Variants in MUC4 observed in about 807,000 individuals in gnomAD.
MUC4 encodes the protein mucin 4, cell surface associated, also known as mucin-4.
In MUC4, 202 loss-of-function variants were observed where a neutral mutation model predicts 257.9. The ratio of observed to expected loss-of-function variants is 0.78; its 90% CI spans 0.70 to 0.88. The LOEUF is 0.88. MUC4 is among the 40% of genes least tolerant of loss of function. MUC4 has a pLI of 0.00. For missense variants in MUC4, 5,976 were observed against 6,513.7 expected (o/e 0.92, Z 2.84); for synonymous variants, 2,351 against 2,757.1 (o/e 0.85, Z 4.62).
chr3:195,793,632 T>A, intron 1 of MUC4, among the ~76,000 whole-genome samples: 1 of 152,212 alleles, frequency 6.6e-6, no homozygotes, highest in Middle Eastern at 3.4e-3. Flanking sequence ...ATATAGCCAA[T>A]GGTCTTCTCC....
intron 2 of MUC4, among the ~76,000 whole-genome samples, 156 bp downstream of exon 2, chr3:195,778,634 G>A (rs1402250809): frequency 6.6e-6 from 1 of 152,186 alleles, no homozygotes; most frequent in East Asian, 1.9e-4. Context: ...AGGAGGGTGA[G>A]CCTGTCACCC....
chr3:195,751,032 G>A lies in MUC4; in HGVS notation c.15728C>T (p.Pro5243Leu), dbSNP rs750455032. Residue 5243 changes from proline (P) to leucine (L), a missense_variant, in exon 23 of 25, where the codon CCG becomes CTG. Coordinates refer to ENST00000463781, the MANE Select transcript of MUC4 (RefSeq NM_018406.7). ...ISEFQYRPRG[P>L]VIDFLNNQLL... ...CTGGTTGTTCAGGAAGTCAATGACCGGGCCCCGAGGGCGGTACTGGAACTC... is the reference window on the plus strand; with the variant it reads ...CTGGTTGTTCAGGAAGTCAATGACCAGGCCCCGAGGGCGGTACTGGAACTC... The A allele has an allele frequency of 2.6e-5, 42 of 1,613,764 alleles. 1 individual carries two copies. The highest frequency in any genetic ancestry group is 1.1e-4 in the African/African-American group (8 of 74,826).
rs1483938194 is a variant in MUC4, at chr3:195,783,904, G to C, written c.7676C>G (p.Thr2559Ser). The change falls in exon 2 of 25, where the codon ACC becomes AGC. Residue 2559 changes from threonine to serine, a missense_variant. By Grantham distance (58) the Thr-to-Ser change is moderately conservative. This residue lies in a region of MUC4 where 135 missense variants were observed against 114.7 expected (regional missense o/e 1.18). Coordinates refer to ENST00000463781, the MANE Select transcript of MUC4 (RefSeq NM_018406.7). Reference protein sequence around the residue: ...SPSSASTGHATSLPVTDTSAA... With the variant: ...SPSSASTGHASSLPVTDTSAA... ...GGAAGTGTCGGTGACAGGAAGAGAGGTGGCGTGACCTGTGGATGCTGAGGA... is the reference window on the plus strand; with the variant it reads ...GGAAGTGTCGGTGACAGGAAGAGAGCTGGCGTGACCTGTGGATGCTGAGGA... The C allele has an allele frequency of 6.6e-6, 10 of 1,513,922 alleles. No individual in the cohort carries two copies. Among genetic ancestry groups the C allele is most frequent in the Non-Finnish European group, 8.9e-6 (10 of 1,126,398 alleles). The allele number at this position is 1,513,922 out of a possible 1,614,324, so 93.8% of individuals were successfully genotyped here.
At chr3:195,797,266 TTAAATAAATAAA>T (rs58592665) in intron 1 of MUC4, among the ~76,000 whole-genome samples, 1 of 149,586 alleles carries the variant, frequency 6.7e-6, no homozygotes, top group Non-Finnish European at 1.5e-5. Context: ...GGACTCTATC[TTAAATAAATAAA>T]TAAATAAATA....
intron 1 of MUC4, among the ~76,000 whole-genome samples, chr3:195,809,198 C>A (rs568735742): frequency 2.6e-5 from 4 of 152,228 alleles, no homozygotes; most frequent in Non-Finnish European, 4.4e-5. Flanking sequence ...AGAGCCAGGG[C>A]TGTTCCTTAA....
Position 195,749,037 on chromosome 3 carries a change from A to T in MUC4, c.15899T>A (p.Phe5300Tyr). 6.2e-7 allele frequency: 1 copy of T among 1,606,560 alleles called. No individual in the cohort carries two copies. The highest frequency in any genetic ancestry group is 8.5e-7 in the Non-Finnish European group (1 of 1,175,546). Reference protein sequence around the residue: ...ALNVSTLKAYFRCDGYKGYDL... With the variant: ...ALNVSTLKAYYRCDGYKGYDL... ...GTAGCCCTTGTAGCCATCGCATCTGAAGTAAGCCTTCAGCGTGCTCACGTT... is the reference window on the plus strand; with the variant it reads ...GTAGCCCTTGTAGCCATCGCATCTGTAGTAAGCCTTCAGCGTGCTCACGTT... Residue 5300 changes from phenylalanine to tyrosine, a missense_variant, in exon 24 of 25, where the codon TTC (phenylalanine) becomes TAC (tyrosine). Physicochemically the swap from Phe to Tyr is conservative, Grantham distance 22. Transcript: ENST00000463781.
At position 195,747,116 on chromosome 3, in the gene MUC4, C is replaced by A; in HGVS notation, c.*60G>T. 1.9e-6 allele frequency: 3 copies of A among 1,600,352 alleles called. No homozygotes were observed. The highest frequency in any genetic ancestry group is 1.7e-4 in the Middle Eastern group (1 of 6,004). ...TTCCAGTCTCCCAAAAGCAATGGCGCCTTAAATGTGCGGTAAGGATGAGGT... is the reference window on the plus strand; with the variant it reads ...TTCCAGTCTCCCAAAAGCAATGGCGACTTAAATGTGCGGTAAGGATGAGGT... On this transcript the variant is annotated 3_prime_UTR_variant, in exon 25 of 25. Coordinates refer to ENST00000463781, the MANE Select transcript of MUC4 (RefSeq NM_018406.7).
In MUC4 at chr3:195,762,355, G is replaced by C; in HGVS notation, c.14345-101C>G. The C allele has an allele frequency of 2.3e-6, 3 of 1,313,512 alleles. No individual in the cohort carries two copies. In the South Asian group the frequency reaches 4.4e-5, roughly 19 times the overall value. The allele number at this position is 1,313,512 out of a possible 1,614,324, so 81.4% of individuals were successfully genotyped here. A position where few individuals can be genotyped will look rare whatever the true frequency, so the allele number is the denominator to read the frequency against. ...CCGCACCACCCCCACCCCGCCCCTG[G>C]GGCTGAAGCCGGGAGGGGTCTGCAC... On this transcript the variant is annotated intron_variant, in intron 13 of 24. Coordinates refer to ENST00000463781, the MANE Select transcript of MUC4 (RefSeq NM_018406.7).
At chr3:195,801,742 T>C (rs1317910878) in intron 1 of MUC4, among the ~76,000 whole-genome samples, 1 of 152,054 alleles carries the variant, frequency 6.6e-6, no homozygotes, top group African/African-American at 2.4e-5. Context: ...TTTTCTCCAG[T>C]CCTCACGCGT....
intron 7 of MUC4, 144 bp from the exon 8 acceptor site, chr3:195,766,895 A>C (rs1000512364): frequency 2.9e-6 from 2 of 691,232 alleles, no homozygotes; most frequent in Non-Finnish European, 5.1e-6. Context: ...GCCAGCCCCC[A>C]TCGTCAAGCC....
chr3:195,770,842 A>G (rs776143953), intron 5 of MUC4: 54 of 458,478 alleles, frequency 1.2e-4, no homozygotes, highest in Non-Finnish European at 2.1e-4. Flanking sequence ...GGAGCACAGG[A>G]CGGGCCCTCT....
chr3:195,748,879 C>G, intron 24 of MUC4, 23 bp downstream of exon 24: 1 of 1,543,908 alleles, frequency 6.5e-7, no homozygotes, highest in Non-Finnish European at 8.7e-7. Context: ...TGTCCTCCAC[C>G]TCCTGGCCAC....
rs760773966 is a variant in MUC4 at position 195,785,507 on chromosome 3, C to T, written c.6073G>A (p.Ala2025Thr). The change falls in exon 2 of 25, where the codon GCA becomes ACA. Residue 2025 changes from alanine (A) to threonine (T), a missense_variant. Physicochemically the swap from Ala to Thr is moderately conservative, Grantham distance 58. This residue lies in a region of MUC4 where 51 missense variants were observed against 45.1 expected (regional missense o/e 1.13). Coordinates refer to ENST00000463781, the MANE Select transcript of MUC4 (RefSeq NM_018406.7). Reference protein sequence around the residue: ...TPLPVTSLSSASTGDTTPLPV... With the variant: ...TPLPVTSLSSTSTGDTTPLPV... ...AGCGGCGTGGTGTCACCAGTGGATG[C>T]TGAGGAAAGGCTGGTGACAGGAAGA... is the stretch of plus-strand genomic sequence containing the variant. 2.8e-5 allele frequency: 42 copies of T among 1,512,284 alleles called. 4 individuals carry two copies. Among genetic ancestry groups the T allele is most frequent in the Non-Finnish European group, 3.6e-5 (40 of 1,126,654 alleles). 93.7% of individuals were successfully genotyped at this position (1,512,284 alleles called of 1,614,324 possible).
intron 2 of MUC4, 113 bp downstream of exon 2, chr3:195,778,677 T>A (rs1725612372): frequency 5.2e-6 from 7 of 1,339,538 alleles, no homozygotes; most frequent in Middle Eastern, 5.0e-4. Context: ...CTGTGGGACC[T>A]GACACGGCCC....
chr3:195,789,911 T>C lies in MUC4; in HGVS notation c.1669A>G (p.Lys557Glu), dbSNP rs373147480. 23 of 1,613,972 alleles carry C rather than the reference T, an allele frequency of 1.4e-5. No homozygotes were observed. The highest frequency in any genetic ancestry group is 8.9e-5 in the East Asian group (4 of 44,884). ...GTCTGGGCGCCTGCCCCTGTTGTTT[T>C]TGGGAGAGTTGTGCTGTGGGAGGAG... ...TYSSHSTTLP[K>E]TTGAGAQTQW... Residue 557 changes from lysine (K) to glutamate (E), a missense_variant, in exon 2 of 25, where the codon AAA becomes GAA. Lys to Glu is a moderately conservative substitution (Grantham distance 56). Coordinates refer to ENST00000463781, the MANE Select transcript of MUC4 (RefSeq NM_018406.7).
rs202055256 is a variant in MUC4 at position 195,765,464 on chromosome 3, G to C, written c.13619-15C>G. The C allele has an allele frequency of 8.7e-6, 14 of 1,604,578 alleles. No individual in the cohort carries two copies. Among genetic ancestry groups the C allele is most frequent in the Admixed American group, 8.4e-5 (5 of 59,442 alleles). On this transcript the variant is annotated splice_polypyrimidine_tract_variant and intron_variant, in intron 8 of 24. Transcript: ENST00000463781. Reference sequence around the variant, plus strand: ...CCCTTGGAGGCCTGAGGTCGGGGATGGGGGGGAAAGGGCTTATCCAGGGCT... The same window carrying C: ...CCCTTGGAGGCCTGAGGTCGGGGATCGGGGGGAAAGGGCTTATCCAGGGCT...
chr3:195,800,232 C>G (rs1213233066), intron 1 of MUC4, among the ~76,000 whole-genome samples: 1 of 151,960 alleles, frequency 6.6e-6, no homozygotes, highest in South Asian at 2.1e-4. Context: ...GAGCCGAGAT[C>G]GCGCCACTGC....
At chr3:195,772,708 T>TC (rs1723254315) in intron 4 of MUC4, among the ~76,000 whole-genome samples, 1 of 145,386 alleles carries the variant, frequency 6.9e-6, no homozygotes, top group African/African-American at 2.6e-5. Flanking sequence ...ACACCCTCCC[T>TC]TCATCGCTCA....
chr3:195,796,676 G>A (rs1364118465), intron 1 of MUC4, among the ~76,000 whole-genome samples: 1 of 151,744 alleles, frequency 6.6e-6, no homozygotes, highest in East Asian at 2.0e-4. Context: ...GGGTGACAAG[G>A]TGAGACTCCG....
Sources: allele counts gnomAD v4.1 joint callset (sites outside exome capture counted in the v4.1 genomes callset), GRCh38; gene constraint gnomAD v4.1.1; regional missense constraint gnomAD v4.1.1; transcripts MANE v1.5; gene names NCBI Gene and HGNC (gene_info 2026-07-23, HGNC 2026-07-21).